The following TNFRSF21 variants were observed in gnomAD, a reference collection of about 807,000 sequenced individuals.
TNFRSF21 encodes TNF receptor superfamily member 21, also known as tumor necrosis factor receptor superfamily member 21.
Under a neutral mutation model 45.6 loss-of-function variants are expected in TNFRSF21, and 19 were observed. That is an observed-to-expected ratio of 0.42 (90% CI 0.29 to 0.61). TNFRSF21 has a LOEUF of 0.61. Among genes scored for constraint, TNFRSF21 ranks in the 20% least tolerant of loss-of-function variants. The pLI, the probability that TNFRSF21 is intolerant of heterozygous loss-of-function variation, is 0.23. For missense variants in TNFRSF21, 737 were observed against 851.5 expected, an observed-to-expected ratio of 0.87 and a Z score of 1.67; for synonymous variants, 314 against 335.5, an observed-to-expected ratio of 0.94 and a Z score of 0.70.
intron 3 of TNFRSF21, among the ~76,000 whole-genome samples, chr6:47,266,704 G>A (rs1762336668): frequency 6.6e-6 from 1 of 152,146 alleles, no homozygotes; most frequent in Admixed American, 6.5e-5. Flanking sequence ...TACAGAAGGG[G>A]TTGGTTGTAG....
Position 47,286,275 on chromosome 6 carries a change from C to T in TNFRSF21, c.417G>A (p.Gln139=), listed in dbSNP as rs769517193. Residue 139 remains glutamine (Q), a synonymous_variant, in exon 2 of 6, where the codon CAG becomes CAA. Coordinates refer to ENST00000296861, the MANE Select transcript of TNFRSF21 (RefSeq NM_014452.5). ...RECTCPPGMF[Q]SNATCAPHTV... is the part of the protein sequence containing the mutation. Reference sequence around the variant, plus strand: ...TATGGGGGGCACAGGTAGCGTTAGACTGGAACATGCCAGGTGGGCAAGTGC... The same window carrying T: ...TATGGGGGGCACAGGTAGCGTTAGATTGGAACATGCCAGGTGGGCAAGTGC... 1.9e-6 allele frequency: 3 copies of T among 1,614,122 alleles called. No homozygotes were observed. The Admixed American group carries it at 5.0e-5, about 27-fold the overall frequency.
At chr6:47,291,543 A>G (rs994530027) in intron 1 of TNFRSF21, among the ~76,000 whole-genome samples, 8 of 152,164 alleles carry the variant, frequency 5.3e-5, no homozygotes, top group Non-Finnish European at 1.5e-5. Context: ...TACTTACAGA[A>G]GGGGAAAGAG....
At chr6:47,251,484 C>T (rs1764900804) in intron 4 of TNFRSF21, among the ~76,000 whole-genome samples, 1 of 152,148 alleles carries the variant, frequency 6.6e-6, no homozygotes, top group African/African-American at 2.4e-5. Flanking sequence ...CATTCGTTGA[C>T]CTAATGATTT....
Position 47,284,305 on chromosome 6 carries a change from G to A in TNFRSF21, c.876C>T (p.Leu292=). ...GGTGGTTGACTACCTGAAGGTTTGG[G>A]AGGGTCTTGTTCACGTCTTCCTTCC... ...ARGKEDVNKT[L]PNLQVVNHQQ... The change falls in exon 3 of 6, where the codon CTC becomes CTT. Residue 292 remains leucine, a synonymous_variant. Transcript: ENST00000296861. The A allele has an allele frequency of 6.2e-7, 1 of 1,607,892 alleles. No individual in the cohort carries two copies. Among genetic ancestry groups the A allele is most frequent in the East Asian group, 2.2e-5 (1 of 44,868 alleles).
intron 4 of TNFRSF21, among the ~76,000 whole-genome samples, chr6:47,249,385 G>A (rs1336411781): frequency 6.6e-6 from 1 of 152,162 alleles, no homozygotes; most frequent in Non-Finnish European, 1.5e-5. Flanking sequence ...AAAATAACTG[G>A]CAAGCTAGAA....
rs781629453 is a variant in TNFRSF21 at position 47,286,066 on chromosome 6, T to C, written c.626A>G (p.Asn209Ser). Residue 209 changes from asparagine (N) to serine (S), a missense_variant, in exon 2 of 6, where the codon AAC becomes AGC. Transcript: ENST00000296861. ...GAAGGACGGGAGTGTGCCACAGACG[T>C]TGTCTGTCTCCTTGGTCCCCGGCTT... ...VIKPGTKETD[N>S]VCGTLPSFSS... is the part of the protein sequence containing the mutation. The C allele has an allele frequency of 6.2e-7, 1 of 1,614,160 alleles. No individual in the cohort carries two copies. The highest frequency in any genetic ancestry group is 8.5e-7 in the Non-Finnish European group (1 of 1,180,032).
At chr6:47,268,809 C>A (rs2295263) in intron 3 of TNFRSF21, among the ~76,000 whole-genome samples, 43,667 of 152,034 alleles carry the variant, frequency 0.29, 6,708 homozygotes, top group Non-Finnish European at 0.35. Context: ...ACCTCATCTA[C>A]CCTATGCCCC....
intron 4 of TNFRSF21, among the ~76,000 whole-genome samples, chr6:47,247,306 A>C (rs1446317616): frequency 6.6e-6 from 1 of 152,154 alleles, no homozygotes; most frequent in African/African-American, 2.4e-5. Flanking sequence ...ACACCCCATG[A>C]ATTAAGTAAC....
chr6:47,272,521 T>A (rs1052000465), intron 3 of TNFRSF21, among the ~76,000 whole-genome samples: 10 of 152,112 alleles, frequency 6.6e-5, no homozygotes, highest in Admixed American at 5.9e-4. Context: ...AAGCAGTGTG[T>A]AGAGGGAAAT....
chr6:47,242,509 T>G (rs1469094707), intron 4 of TNFRSF21, among the ~76,000 whole-genome samples: 1 of 152,212 alleles, frequency 6.6e-6, no homozygotes, highest in Non-Finnish European at 1.5e-5. Context: ...AGCCAATCCT[T>G]GCCCTAAGCA....
intron 3 of TNFRSF21, among the ~76,000 whole-genome samples, chr6:47,259,585 G>A (rs908484882): frequency 1.3e-5 from 2 of 152,174 alleles, no homozygotes; most frequent in Non-Finnish European, 2.9e-5. Flanking sequence ...ATGTTGGCCA[G>A]ACTGGTCTTG....
At chr6:47,264,113 T>C (rs1008347478) in intron 3 of TNFRSF21, among the ~76,000 whole-genome samples, 5 of 152,244 alleles carry the variant, frequency 3.3e-5, no homozygotes, top group African/African-American at 4.8e-5. Context: ...TTTTAGATTT[T>C]TTTTTCCTAT....
At chr6:47,245,707 C>A (rs1764815307) in intron 4 of TNFRSF21, among the ~76,000 whole-genome samples, 1 of 151,900 alleles carries the variant, frequency 6.6e-6, no homozygotes, top group South Asian at 2.1e-4. Flanking sequence ...TTACAATTGA[C>A]ATGGGATTCA....
intron 3 of TNFRSF21, among the ~76,000 whole-genome samples, chr6:47,275,424 T>C (rs577578154): frequency 6.6e-6 from 1 of 152,234 alleles, no homozygotes; most frequent in East Asian, 1.9e-4. Context: ...AAACACCGCA[T>C]GTTCTCACTC....
intron 3 of TNFRSF21, among the ~76,000 whole-genome samples, chr6:47,262,534 TA>T (rs1765088360): frequency 6.6e-6 from 1 of 152,140 alleles, no homozygotes; most frequent in Admixed American, 6.5e-5. Context: ...TAATAAAACA[TA>T]AACTGTGTTA....
At chr6:47,244,221 G>A (rs1341659763) in intron 4 of TNFRSF21, among the ~76,000 whole-genome samples, 1 of 151,282 alleles carries the variant, frequency 6.6e-6, no homozygotes, top group Admixed American at 6.7e-5. Context: ...CTACTCGGGA[G>A]GCAGAGGCAG....
chr6:47,234,976 T>TA, intron 4 of TNFRSF21, 78 bp from the exon 5 acceptor site: 1 of 851,824 alleles, frequency 1.2e-6, no homozygotes, highest in Non-Finnish European at 1.6e-6. Flanking sequence ...AGAGGCTATT[T>TA]TTTTTGTTCC....
At chr6:47,267,310 G>A (rs962515051) in intron 3 of TNFRSF21, among the ~76,000 whole-genome samples, 2 of 152,022 alleles carry the variant, frequency 1.3e-5, no homozygotes, top group Non-Finnish European at 2.9e-5. Context: ...ATGTTGGCCA[G>A]GCTGGTCTCG....
At chr6:47,259,678 A>G (rs1053338775) in intron 3 of TNFRSF21, among the ~76,000 whole-genome samples, 2 of 152,110 alleles carry the variant, frequency 1.3e-5, no homozygotes, top group Non-Finnish European at 2.9e-5. Context: ...CCCTGCCAAC[A>G]TTGCCTTTTC....
Sources: gnomAD v4.1 joint callset for allele counts (sites outside exome capture counted in the v4.1 genomes callset) on GRCh38, gnomAD v4.1.1 for gene constraint, MANE v1.5 for transcripts, NCBI Gene and HGNC (gene_info 2026-07-23, HGNC 2026-07-21) for gene names.